The following GPC5 variants were observed in gnomAD, a reference collection of about 807,000 sequenced individuals.
GPC5 encodes glypican 5, also known as glypican-5.
In GPC5, 47 loss-of-function variants were observed where a neutral mutation model predicts 53.9. The ratio of observed to expected loss-of-function variants is 0.87; its 90% CI spans 0.69 to 1.11. The LOEUF is 1.11. Among genes scored for constraint, GPC5 ranks in the 50% most tolerant of loss-of-function variants. The pLI is 0.00. For missense variants in GPC5, 748 were observed against 713.1 expected (o/e 1.05, Z -0.56); for synonymous variants, 286 against 263.3 (o/e 1.09, Z -0.84).
At chr13:91,920,921 TCTCTC>T (rs1177491210) in intron 6 of GPC5, among the ~76,000 whole-genome samples, 3 of 58,114 alleles carry the variant, frequency 5.2e-5, no homozygotes, top group Non-Finnish European at 7.4e-5. Context: ...TCTCTCTCTC[TCTCTC>T]TTTTTTTTTT....
In GPC5 at chr13:91,693,586, T is replaced by A; in HGVS notation, c.725T>A (p.Leu242Gln). Reference sequence around the variant, plus strand: ...GAAGTCATCAACACCACAGACTATCTGCACTTCTCCAAAGAGTGCAGCAGA... The same window carrying A: ...GAAGTCATCAACACCACAGACTATCAGCACTTCTCCAAAGAGTGCAGCAGA... ...GIEVINTTDY[L>Q]HFSKECSRAL... is the part of the protein sequence containing the mutation. Residue 242 changes from leucine (L) to glutamine (Q), a missense_variant, in exon 3 of 8, where the codon CTG becomes CAG. Leu to Gln is a moderately radical substitution (Grantham distance 113). Coordinates refer to ENST00000377067, the MANE Select transcript of GPC5 (RefSeq NM_004466.6). The A allele has an allele frequency of 4.3e-6, 7 of 1,614,122 alleles. No homozygotes were observed. The highest frequency in any genetic ancestry group is 4.2e-6 in the Non-Finnish European group (5 of 1,180,010).
intron 7 of GPC5, among the ~76,000 whole-genome samples, chr13:92,605,936 A>G (rs766358831): frequency 6.6e-6 from 1 of 152,142 alleles, no homozygotes; most frequent in Non-Finnish European, 1.5e-5. Flanking sequence ...ATGTGAAAAC[A>G]AAAAGGAGGA....
At chr13:92,118,174 T>C (rs1367956179) in intron 6 of GPC5, among the ~76,000 whole-genome samples, 1 of 152,170 alleles carries the variant, frequency 6.6e-6, no homozygotes, top group Admixed American at 6.6e-5. Context: ...AAAGAATAGA[T>C]GTTGAATTTT....
intron 7 of GPC5, among the ~76,000 whole-genome samples, chr13:92,166,835 T>C (rs2042030952): frequency 6.6e-6 from 1 of 152,090 alleles, no homozygotes; most frequent in South Asian, 2.1e-4. Context: ...TTGTGTGATC[T>C]TAGTGTATCA....
chr13:91,449,021 AT>A, intron 2 of GPC5, 99 bp downstream of exon 2: 1 of 1,267,720 alleles, frequency 7.9e-7, no homozygotes, highest in Non-Finnish European at 1.1e-6. Flanking sequence ...ATTTCCTTGT[AT>A]TTACATAATA....
chr13:91,846,179 T>C (rs2038846772), intron 5 of GPC5, among the ~76,000 whole-genome samples: 1 of 152,130 alleles, frequency 6.6e-6, no homozygotes, highest in African/African-American at 2.4e-5. Context: ...CCCTAGTTTA[T>C]ATACCCTGGC....
At chr13:92,151,597 T>C (rs1270473741) in intron 7 of GPC5, among the ~76,000 whole-genome samples, 1 of 152,124 alleles carries the variant, frequency 6.6e-6, no homozygotes, top group Non-Finnish European at 1.5e-5. Flanking sequence ...TAGCATGAGG[T>C]TTACTTCTTA....
intron 7 of GPC5, among the ~76,000 whole-genome samples, chr13:92,313,089 T>C (rs2043156354): frequency 1.3e-5 from 2 of 152,176 alleles, no homozygotes; most frequent in African/African-American, 2.4e-5. Context: ...GAGTGAGTTT[T>C]CTAAATAACA....
intron 3 of GPC5, among the ~76,000 whole-genome samples, chr13:91,710,927 G>A (rs2036211448): frequency 6.6e-6 from 1 of 152,212 alleles, no homozygotes; most frequent in South Asian, 2.1e-4. Flanking sequence ...AGAGGGAAAT[G>A]TGGGTGGTTT....
At position 91,960,141 on chromosome 13, in the gene GPC5, C is replaced by G. The variant is rs867366101; in HGVS notation, c.1401+52084C>G. Among the ~76,000 whole-genome samples the G allele has an allele frequency of 9.4e-5, 14 of 148,764 alleles. No homozygotes were observed. In the Middle Eastern group the frequency reaches 0.017, roughly 182 times the overall value. ...GAAAAGAGGAAGTCAAAGTGTCCCT[C>G]TTTACTGATAATATGATCTTATTCT... On this transcript the variant is annotated intron_variant, in intron 6 of 7. Coordinates refer to ENST00000377067, the MANE Select transcript of GPC5 (RefSeq NM_004466.6).
chr13:92,817,505 A>G (rs1265622425), intron 7 of GPC5, among the ~76,000 whole-genome samples: 1 of 152,000 alleles, frequency 6.6e-6, no homozygotes, highest in African/African-American at 2.4e-5. Context: ...TGCCTACTCA[A>G]CTGAATAAAA....
At chr13:91,751,044 T>G (rs1238633055) in intron 4 of GPC5, among the ~76,000 whole-genome samples, 1 of 152,164 alleles carries the variant, frequency 6.6e-6, no homozygotes, top group Non-Finnish European at 1.5e-5. Context: ...TTTTGTTTAA[T>G]ATACCTACCG....
intron 2 of GPC5, among the ~76,000 whole-genome samples, chr13:91,462,079 T>C (rs528659604): frequency 6.6e-6 from 1 of 152,252 alleles, no homozygotes; most frequent in South Asian, 2.1e-4. Context: ...CTCACTGTAA[T>C]GGAAACCAAC....
At chr13:91,972,562 T>G (rs1000637260) in intron 6 of GPC5, among the ~76,000 whole-genome samples, 2 of 152,178 alleles carry the variant, frequency 1.3e-5, no homozygotes, top group Non-Finnish European at 2.9e-5. Flanking sequence ...TTCCTAGCCT[T>G]GATGGTCTTT....
chr13:92,198,515 T>A (rs1323087306), intron 7 of GPC5, among the ~76,000 whole-genome samples: 4 of 152,224 alleles, frequency 2.6e-5, no homozygotes, highest in Non-Finnish European at 5.9e-5. Flanking sequence ...AGCTCAAATA[T>A]TATTCTTGCT....
At chr13:92,163,272 G>T (rs879683738) in intron 7 of GPC5, among the ~76,000 whole-genome samples, 1 of 150,074 alleles carries the variant, frequency 6.7e-6, no homozygotes, top group Non-Finnish European at 1.5e-5. Flanking sequence ...GACTAGCCTG[G>T]CCGCATGGTG....
intron 2 of GPC5, among the ~76,000 whole-genome samples, chr13:91,602,289 C>T (rs952734683): frequency 2.0e-5 from 3 of 152,204 alleles, no homozygotes; most frequent in African/African-American, 4.8e-5. Context: ...TGAATCATTA[C>T]TTATGCTGAA....
chr13:91,654,659 C>T (rs2034803583), intron 2 of GPC5, among the ~76,000 whole-genome samples: 3 of 152,184 alleles, frequency 2.0e-5, no homozygotes, highest in East Asian at 1.9e-4. Context: ...AATGTTTCTA[C>T]GGTAACAATG....
At chr13:92,613,414 TA>T (rs1884535273) in intron 7 of GPC5, among the ~76,000 whole-genome samples, 1 of 74,578 alleles carries the variant, frequency 1.3e-5, no homozygotes, top group African/African-American at 5.5e-5. Flanking sequence ...ATATTATATA[TA>T]AATATGATAT....
Sources: allele counts gnomAD v4.1 joint callset (sites outside exome capture counted in the v4.1 genomes callset), GRCh38; gene constraint gnomAD v4.1.1; transcripts MANE v1.5; gene names NCBI Gene and HGNC (gene_info 2026-07-23, HGNC 2026-07-21).